The following KDM4C variants were observed in gnomAD, a reference collection of about 807,000 sequenced individuals.
KDM4C encodes lysine-specific demethylase 4C.
In KDM4C, 81 loss-of-function variants were observed where a neutral mutation model predicts 129.3. That is an observed-to-expected ratio of 0.63 (90% CI 0.52 to 0.75). The LOEUF (loss-of-function observed/expected upper bound fraction) is 0.75. KDM4C is among the 30% of genes least tolerant of loss of function. KDM4C has a pLI of 0.00. For missense variants in KDM4C, 1,457 were observed against 1,304.0 expected (o/e 1.12, Z -1.81); for synonymous variants, 573 against 456.1 (o/e 1.26, Z -3.26).
In KDM4C at chr9:6,937,315, A is replaced by T. The variant is rs113372700; in HGVS notation, c.922-43610A>T. On this transcript the variant is annotated intron_variant, in intron 8 of 21. Coordinates refer to ENST00000381309, the MANE Select transcript of KDM4C (RefSeq NM_015061.6). Reference sequence around the variant, plus strand: ...ACAGAAAAAGCAAATTAAAATTTAAAAATAGCCAGTGGTGAAAGGTAAATA... The same window carrying T: ...ACAGAAAAAGCAAATTAAAATTTAATAATAGCCAGTGGTGAAAGGTAAATA... Among the ~76,000 whole-genome samples, 314 of 152,284 alleles carry T rather than the reference A, an allele frequency of 2.1e-3. 1 individual carries two copies. Among genetic ancestry groups the T allele is most frequent in the African/African-American group, 7.2e-3 (299 of 41,558 alleles).
chr9:6,801,974 A>T (rs954595630), intron 2 of KDM4C, among the ~76,000 whole-genome samples: 1 of 151,934 alleles, frequency 6.6e-6, no homozygotes, highest in Non-Finnish European at 1.5e-5. Flanking sequence ...GCATGGTGGC[A>T]GGCACCTGTA....
chr9:6,938,828 ATATT>A (rs1188706327), intron 8 of KDM4C, among the ~76,000 whole-genome samples: 2 of 150,090 alleles, frequency 1.3e-5, no homozygotes, highest in African/African-American at 2.4e-5. Context: ...TCTTATATAA[ATATT>A]TATTTTTCAG....
chr9:6,955,584 A>G (rs895337703), intron 8 of KDM4C, among the ~76,000 whole-genome samples: 2 of 152,222 alleles, frequency 1.3e-5, no homozygotes, highest in African/African-American at 2.4e-5. Flanking sequence ...GTATGACTCT[A>G]GAAAAGGAAA....
chr9:6,838,630 C>A (rs1262710717), intron 4 of KDM4C, among the ~76,000 whole-genome samples: 1 of 152,104 alleles, frequency 6.6e-6, no homozygotes, highest in Non-Finnish European at 1.5e-5. Context: ...TCTTTCAAAA[C>A]TTGCTATATG....
chr9:6,817,195 G>T (rs950363999), intron 4 of KDM4C, among the ~76,000 whole-genome samples: 76 of 53,212 alleles, frequency 1.4e-3, no homozygotes, highest in Admixed American at 2.0e-3. Flanking sequence ...CCCTCCCCCT[G>T]CCCCCCCCCC....
chr9:6,984,259 C>A lies in KDM4C; in HGVS notation c.1209C>A (p.Pro403=), dbSNP rs142335810. The part of the protein sequence containing the change: ...DEVDGAEVPN[P]DSVTDDLKVS... The stretch of plus-strand genomic sequence containing the variant: ...TCGATGGGGCAGAGGTCCCTAACCC[C>A]GACTCAGTCACAGATGACCTCAAGG... Residue 403 remains proline, a synonymous_variant, in exon 10 of 22, where the codon CCC becomes CCA. Transcript: ENST00000381309. 8.1e-6 allele frequency: 13 copies of A among 1,613,832 alleles called. No homozygotes were observed. The South Asian group carries it at 1.4e-4, about 18-fold the overall frequency.
At chr9:6,793,168 C>T (rs1827045504) in intron 2 of KDM4C, 36 bp downstream of exon 2, 2 of 1,591,622 alleles carry the variant, frequency 1.3e-6, no homozygotes, top group Non-Finnish European at 8.6e-7. Context: ...GAAAAACAAT[C>T]ACTTGGCCTT....
chr9:7,046,453 C>A (rs180698860), intron 15 of KDM4C, among the ~76,000 whole-genome samples: 2 of 152,138 alleles, frequency 1.3e-5, no homozygotes, highest in African/African-American at 4.8e-5. Context: ...ATTAGCCACC[C>A]TGTATCCAGG....
intron 20 of KDM4C, among the ~76,000 whole-genome samples, chr9:7,166,079 A>G (rs936935741): frequency 2.0e-5 from 3 of 152,358 alleles, no homozygotes; most frequent in African/African-American, 7.2e-5. Flanking sequence ...AAAAGGGGAC[A>G]TTTAGAGCCA....
chr9:6,981,214 T>C, intron 9 of KDM4C, 96 bp downstream of exon 9: 2 of 918,460 alleles, frequency 2.2e-6, no homozygotes, highest in Non-Finnish European at 3.2e-6. Flanking sequence ...TTTTTCTATT[T>C]ATTCATCATA....
At chr9:6,814,374 G>C (rs956735146) in intron 3 of KDM4C, among the ~76,000 whole-genome samples, 1 of 152,038 alleles carries the variant, frequency 6.6e-6, no homozygotes, top group Admixed American at 6.6e-5. Flanking sequence ...CTTTTAAACT[G>C]CTTTTCTGCT....
intron 1 of KDM4C, among the ~76,000 whole-genome samples, chr9:6,724,570 G>A (rs907929039): frequency 6.6e-6 from 1 of 151,952 alleles, no homozygotes; most frequent in Admixed American, 6.6e-5. Context: ...TTGTTCTGTC[G>A]CCCAGGCTGG....
intron 8 of KDM4C, among the ~76,000 whole-genome samples, chr9:6,945,290 C>T (rs556141893): frequency 2.0e-5 from 3 of 152,112 alleles, no homozygotes; most frequent in African/African-American, 4.8e-5. Flanking sequence ...TCTGTTACCA[C>T]CAGTTTCATC....
At chr9:7,168,063 T>C (rs1844582879) in intron 20 of KDM4C, among the ~76,000 whole-genome samples, 1 of 152,128 alleles carries the variant, frequency 6.6e-6, no homozygotes, top group Non-Finnish European at 1.5e-5. Context: ...GGCGGCATGC[T>C]TATAATTACA....
In KDM4C at chr9:7,118,722, G is replaced by T. The variant is rs578084629; in HGVS notation, c.2611-9344G>T. 2.6e-5 allele frequency among the ~76,000 whole-genome samples: 4 copies of T among 152,304 alleles called. No individual in the cohort carries two copies. In the South Asian group the frequency reaches 8.3e-4, roughly 32 times the overall value. ...TTACTTTGGTTTCTTCACCTGTTCA[G>T]CCTTGCTGGTGCTGTGGGTTTCTAC... On this transcript the variant is annotated intron_variant, in intron 18 of 21. Transcript: ENST00000381309.
At chr9:6,771,451 A>G (rs1821825756) in intron 1 of KDM4C, among the ~76,000 whole-genome samples, 1 of 151,780 alleles carries the variant, frequency 6.6e-6, no homozygotes, top group African/African-American at 2.4e-5. Context: ...AGCTTGGATT[A>G]CAGGCATGCG....
chr9:7,022,470 T>C (rs934069136), intron 15 of KDM4C, among the ~76,000 whole-genome samples: 2 of 152,270 alleles, frequency 1.3e-5, no homozygotes, highest in South Asian at 2.1e-4. Flanking sequence ...TGTTGGTATA[T>C]AGAAATGCTT....
At chr9:7,025,976 G>T (rs1460282062) in intron 15 of KDM4C, among the ~76,000 whole-genome samples, 1 of 152,032 alleles carries the variant, frequency 6.6e-6, no homozygotes, top group Non-Finnish European at 1.5e-5. Flanking sequence ...AGGCTGAGGT[G>T]GGCTGATCCC....
intron 17 of KDM4C, chr9:7,076,962 G>A: frequency 2.0e-6 from 2 of 985,854 alleles, no homozygotes; most frequent in Non-Finnish European, 2.4e-6. Flanking sequence ...GCACATCACA[G>A]GCCCAGAGGC....
Sources: gnomAD v4.1 joint callset for allele counts (sites outside exome capture counted in the v4.1 genomes callset) on GRCh38, gnomAD v4.1.1 for gene constraint, MANE v1.5 for transcripts, NCBI Gene and HGNC (gene_info 2026-07-23, HGNC 2026-07-21) for gene names.